Variants in TMEM132E observed in about 807,000 individuals in gnomAD.
TMEM132E encodes transmembrane protein 132E.
In TMEM132E, 49 loss-of-function variants were observed where a neutral mutation model predicts 78.5. The ratio of observed to expected loss-of-function variants is 0.62; its 90% confidence interval spans 0.50 to 0.79. The LOEUF is 0.79. Among genes scored for constraint, TMEM132E ranks in the 30% least tolerant of loss-of-function variants. The pLI is 0.00. For synonymous variants in TMEM132E, 715 were observed against 670.6 expected (o/e 1.07, Z -1.02); for missense variants, 1,403 against 1,470.9 (o/e 0.95, Z 0.75).
chr17:34,613,454 T>C (rs1224026428), intron 1 of TMEM132E, among the ~76,000 whole-genome samples: 4 of 142,192 alleles, frequency 2.8e-5, no homozygotes, highest in Admixed American at 7.1e-5. Flanking sequence ...TCAGGTTCCC[T>C]CCTGGGCCTT....
chr17:34,620,999 C>T (rs907333489), intron 1 of TMEM132E, among the ~76,000 whole-genome samples: 1 of 152,224 alleles, frequency 6.6e-6, no homozygotes, highest in East Asian at 1.9e-4. Flanking sequence ...TCGCTAAGCA[C>T]AGTCTGGCAG....
intron 3 of TMEM132E, 109 bp downstream of exon 3, chr17:34,628,818 C>T: frequency 2.1e-6 from 3 of 1,421,092 alleles, no homozygotes; most frequent in Non-Finnish European, 2.8e-6. Flanking sequence ...GGGGCTCGGT[C>T]ATTGGGGTCT....
At position 34,638,156 on chromosome 17, in the gene TMEM132E, A is replaced by C. The variant is rs1907604074; in HGVS notation, c.3149A>C (p.Asp1050Ala). 2.5e-6 allele frequency: 4 copies of C among 1,607,742 alleles called. No homozygotes were observed. The highest frequency in any genetic ancestry group is 3.4e-6 in the Non-Finnish European group (4 of 1,178,014). Residue 1050 changes from aspartate (D) to alanine (A), a missense_variant, in exon 9 of 9, where the codon GAT becomes GCT. Transcript: ENST00000631683. ...EEEDLGWGCP[D>A]VAGPTRPTAP... is the part of the protein sequence containing the mutation. ...GAGGACCTGGGTTGGGGCTGCCCGG[A>C]TGTGGCGGGCCCCACGCGGCCCACT...
At chr17:34,585,709 C>T (rs1448002176) in intron 1 of TMEM132E, among the ~76,000 whole-genome samples, 1 of 152,184 alleles carries the variant, frequency 6.6e-6, no homozygotes, top group African/African-American at 2.4e-5. Flanking sequence ...GGCTTCTAGC[C>T]TCAAGCCAGC....
In TMEM132E at chr17:34,637,247, G is replaced by A. The variant is rs757979527; in HGVS notation, c.2240G>A (p.Arg747Gln). 2 of 1,613,764 alleles carry A rather than the reference G, an allele frequency of 1.2e-6. No individual in the cohort carries two copies. The highest frequency in any genetic ancestry group is 1.7e-5 in the Admixed American group (1 of 60,000). The stretch of plus-strand genomic sequence containing the variant: ...GCCCCACTCTCCCTCTACAGCCCAC[G>A]AGACTATGGACTGCTAGTGAGCAGC... ...TTAPLSLYSP[R>Q]DYGLLVSSLD... is the part of the protein sequence containing the mutation. The change falls in exon 9 of 9, where the codon CGA becomes CAA. Residue 747 changes from arginine (R) to glutamine (Q), a missense_variant. Transcript: ENST00000631683.
In TMEM132E at chr17:34,626,541, G is replaced by C; in HGVS notation, c.482G>C (p.Arg161Pro). 1 of 1,597,704 alleles carries C rather than the reference G, an allele frequency of 6.3e-7. No individual in the cohort carries two copies. The highest frequency in any genetic ancestry group is 1.3e-5 in the African/African-American group (1 of 74,900). Residue 161 changes from arginine to proline, a missense_variant, in exon 2 of 9, where the codon CGG (arginine) becomes CCG (proline). Transcript: ENST00000631683. ...TGGGACGACTTCGGCGTCACCGAGC[G>C]GCTGCCCTGTGTCCGCCTGCATGCC... ...RDWDDFGVTERLPCVRLHAFR... is the reference protein window; with the variant it reads ...RDWDDFGVTEPLPCVRLHAFR...
intron 1 of TMEM132E, among the ~76,000 whole-genome samples, chr17:34,588,411 G>A: frequency 6.6e-6 from 1 of 152,306 alleles, no homozygotes; most frequent in Middle Eastern, 3.4e-3. Flanking sequence ...GAGTCTGTCT[G>A]GGAGGTGATG....
At position 34,581,005 on chromosome 17, in the gene TMEM132E, A is replaced by G; in HGVS notation, c.-72A>G. 3 of 1,378,104 alleles carry G rather than the reference A, an allele frequency of 2.2e-6. No homozygotes were observed. The highest frequency in any genetic ancestry group is 2.9e-6 in the Non-Finnish European group (3 of 1,024,202). 85.4% of individuals were successfully genotyped at this position (1,378,104 alleles called of 1,614,324 possible). ...CCACGGCAGCCCTGAGTTGGATGTG[A>G]CCAAGCCCAGCCTGGGGCCAAGTCG... On this transcript the variant is annotated 5_prime_UTR_variant, in exon 1 of 9. An upstream open reading frame in the 5' UTR loses its in-frame stop. Transcript: ENST00000631683.
At chr17:34,605,911 C>T (rs887379022) in intron 1 of TMEM132E, among the ~76,000 whole-genome samples, 12 of 152,176 alleles carry the variant, frequency 7.9e-5, no homozygotes, top group African/African-American at 2.7e-4. Flanking sequence ...CCTCTACATG[C>T]GTCCCATTCA....
chr17:34,627,966 A>G (rs1907212652), intron 2 of TMEM132E, among the ~76,000 whole-genome samples: 1 of 152,214 alleles, frequency 6.6e-6, no homozygotes, highest in Non-Finnish European at 1.5e-5. Flanking sequence ...GCTTTAGCCA[A>G]TGTTCATTGG....
At chr17:34,606,132 G>A (rs1258942253) in intron 1 of TMEM132E, among the ~76,000 whole-genome samples, 1 of 152,106 alleles carries the variant, frequency 6.6e-6, no homozygotes, top group African/African-American at 2.4e-5. Context: ...ATCACCTCAG[G>A]TCAGGAGTTC....
At chr17:34,613,211 A>ACGCACGCACGCG (rs1906663362) in intron 1 of TMEM132E, among the ~76,000 whole-genome samples, 3 of 115,856 alleles carry the variant, frequency 2.6e-5, no homozygotes, top group African/African-American at 8.8e-5. Flanking sequence ...ACACACACAC[A>ACGCACGCACGCG]CGCGCGCGCG....
chr17:34,586,919 T>C (rs2142049200), intron 1 of TMEM132E, among the ~76,000 whole-genome samples: 1 of 152,350 alleles, frequency 6.6e-6, no homozygotes, highest in African/African-American at 2.4e-5. Flanking sequence ...ACTGTAATCC[T>C]TCCTGCTGCA....
At chr17:34,587,116 A>G (rs1326525728) in intron 1 of TMEM132E, among the ~76,000 whole-genome samples, 1 of 152,188 alleles carries the variant, frequency 6.6e-6, no homozygotes, top group Non-Finnish European at 1.5e-5. Context: ...GAATGAGGTT[A>G]CCAGGATGGA....
At chr17:34,601,392 G>T (rs1361648147) in intron 1 of TMEM132E, among the ~76,000 whole-genome samples, 1 of 152,240 alleles carries the variant, frequency 6.6e-6, no homozygotes, top group African/African-American at 2.4e-5. Flanking sequence ...GTCCCTGACT[G>T]CCCTGTCCCA....
intron 8 of TMEM132E, among the ~76,000 whole-genome samples, chr17:34,636,827 A>AGATATG (rs1907537733): frequency 6.6e-6 from 1 of 152,170 alleles, no homozygotes; most frequent in African/African-American, 2.4e-5. Flanking sequence ...TTAGGCATGG[A>AGATATG]GATATGGAGC....
chr17:34,626,245 GC>G lies in TMEM132E; in HGVS notation c.191del (p.Pro64ArgfsTer57). On this transcript the variant is annotated frameshift_variant, in exon 2 of 9. Coordinates refer to ENST00000631683, the MANE Select transcript of TMEM132E (RefSeq NM_001304438.2). LOFTEE classifies it high-confidence loss of function. The stretch of plus-strand genomic sequence containing the variant: ...TGGCCTTCTTCCTGCGGGAGGCGCG[GC>G]CCCCGTCACCCGCGGTCGCCAACAG... The part of the protein sequence containing the change: ...RLAFFLREAR[P>X]PSPAVANSSL... 1 of 1,598,178 alleles carries G rather than the reference GC, an allele frequency of 6.3e-7. No homozygotes were observed. Among genetic ancestry groups the G allele is most frequent in the Non-Finnish European group, 8.5e-7 (1 of 1,173,034 alleles).
At chr17:34,591,068 C>T (rs759158780) in intron 1 of TMEM132E, among the ~76,000 whole-genome samples, 6 of 152,148 alleles carry the variant, frequency 3.9e-5, no homozygotes, top group Non-Finnish European at 4.4e-5. Context: ...CCTTGGTTTC[C>T]ACCTCTGTAA....
At chr17:34,620,103 C>T (rs1906911478) in intron 1 of TMEM132E, among the ~76,000 whole-genome samples, 1 of 152,118 alleles carries the variant, frequency 6.6e-6, no homozygotes. Flanking sequence ...AGGGGAGCCC[C>T]CACCCCTAGC....
Sources: gnomAD v4.1 joint callset for allele counts (sites outside exome capture counted in the v4.1 genomes callset) on GRCh38, gnomAD v4.1.1 for gene constraint, MANE v1.5 for transcripts, NCBI Gene and HGNC (gene_info 2026-07-23, HGNC 2026-07-21) for gene names.